PCDHA5: variants seen among roughly 807,000 people sequenced by gnomAD.
PCDHA5 encodes the protein protocadherin alpha 5.
In PCDHA5, 43 loss-of-function variants were observed where a neutral mutation model predicts 61.6. The observed-to-expected ratio is 0.70, with a 90% CI of 0.55 to 0.90. The LOEUF is 0.90. PCDHA5 is among the 40% of genes least tolerant of loss of function. The probability of loss-of-function intolerance (pLI) is 0.00; values close to 1 mark genes in which losing one functional copy is unlikely to be tolerated. For missense variants in PCDHA5, 1,298 were observed against 1,222.7 expected (o/e 1.06, Z -0.92); for synonymous variants, 627 against 543.9 (o/e 1.15, Z -2.13).
intron 1 of PCDHA5, chr5:140,861,554 C>A (rs1023234694): frequency 1.8e-5 from 7 of 398,878 alleles, no homozygotes; most frequent in Non-Finnish European, 2.6e-5. Flanking sequence ...TGGAAGTGAT[C>A]GTGGACAAGC....
At chr5:140,841,254 A>G in intron 1 of PCDHA5, 9 of 1,510,716 alleles carry the variant, frequency 6.0e-6, no homozygotes, top group Non-Finnish European at 7.1e-6. Context: ...GGATTAAAAG[A>G]CTCTGAAAGT....
intron 1 of PCDHA5, chr5:140,863,165 C>G (rs1367294208): frequency 1.5e-6 from 1 of 666,560 alleles, no homozygotes; most frequent in Non-Finnish European, 2.7e-6. Context: ...TGCGAGCTGG[C>G]GCTGACTGCC....
intron 1 of PCDHA5, among the ~76,000 whole-genome samples, chr5:140,899,512 G>C (rs4386771): frequency 0.046 from 7,065 of 152,150 alleles, 285 homozygotes; most frequent in African/African-American, 0.11. Flanking sequence ...TGCATATATT[G>C]CATCCCAGGG....
chr5:140,928,824 A>C (rs782336122), intron 1 of PCDHA5: 2 of 1,614,110 alleles, frequency 1.2e-6, no homozygotes, highest in Non-Finnish European at 1.7e-6. Flanking sequence ...ATGGAGACCC[A>C]CCACTTTCCT....
intron 1 of PCDHA5, chr5:140,841,148 C>G: frequency 1.3e-6 from 1 of 776,052 alleles, no homozygotes. Context: ...CATGATGTCG[C>G]TGTCTACCAA....
chr5:140,967,901 A>T, intron 1 of PCDHA5: 2 of 1,614,142 alleles, frequency 1.2e-6, no homozygotes, highest in African/African-American at 1.3e-5. Context: ...TGAGAATGCT[A>T]CACCCAACAC....
At chr5:140,942,351 G>GCAGTTAA (rs1563195355) in intron 1 of PCDHA5, among the ~76,000 whole-genome samples, 1 of 152,024 alleles carries the variant, frequency 6.6e-6, no homozygotes. Context: ...GGCGGAGGTT[G>GCAGTTAA]CAGTTAACGG....
intron 1 of PCDHA5, among the ~76,000 whole-genome samples, chr5:140,837,376 A>G (rs1191040233): frequency 6.6e-6 from 1 of 151,912 alleles, no homozygotes; most frequent in Non-Finnish European, 1.5e-5. Context: ...AGTATTTTTT[A>G]TTTTGTTCCT....
intron 1 of PCDHA5, chr5:140,843,312 C>G: frequency 1.3e-6 from 2 of 1,596,048 alleles, no homozygotes; most frequent in South Asian, 1.1e-5. Context: ...GCCACGGCCA[C>G]GGTTCTGGTG....
chr5:140,863,376 C>T (rs781824830), intron 1 of PCDHA5: 2 of 1,123,242 alleles, frequency 1.8e-6, no homozygotes, highest in South Asian at 1.2e-5. Context: ...CGCAGCTCAC[C>T]GAGAGCTCGT....
intron 3 of PCDHA5, among the ~76,000 whole-genome samples, chr5:141,003,690 T>C (rs1441506131): frequency 2.0e-5 from 3 of 152,232 alleles, no homozygotes; most frequent in African/African-American, 7.2e-5. Flanking sequence ...TTTTAAAATA[T>C]ATCCCTACCA....
chr5:140,869,633 A>G (rs376162708), intron 1 of PCDHA5: 3 of 1,613,612 alleles, frequency 1.9e-6, no homozygotes, highest in Non-Finnish European at 2.5e-6. Context: ...AAAAATGAGT[A>G]TTTTTCTTTA....
intron 3 of PCDHA5, among the ~76,000 whole-genome samples, chr5:141,000,885 G>C (rs1213239926): frequency 6.6e-6 from 1 of 151,922 alleles, no homozygotes; most frequent in African/African-American, 2.4e-5. Context: ...TCCAACCTGG[G>C]CAACAGATAT....
chr5:140,964,600 A>G (rs1322521285), intron 1 of PCDHA5, among the ~76,000 whole-genome samples: 1 of 152,104 alleles, frequency 6.6e-6, no homozygotes, highest in Non-Finnish European at 1.5e-5. Flanking sequence ...TTTCATGACA[A>G]CTTACAACTT....
At chr5:140,870,737 G>A in intron 1 of PCDHA5, 1 of 1,613,478 alleles carries the variant, frequency 6.2e-7, no homozygotes, top group Non-Finnish European at 8.5e-7. Flanking sequence ...CCGCCTCTGA[G>A]CAGCAACGTG....
chr5:140,991,719 A>T (rs1451245400), intron 3 of PCDHA5, among the ~76,000 whole-genome samples: 1 of 152,194 alleles, frequency 6.6e-6, no homozygotes, highest in African/African-American at 2.4e-5. Flanking sequence ...TGCTACTAGC[A>T]GCCTGTTCAA....
At chr5:140,872,792 G>A (rs1474880199) in intron 1 of PCDHA5, among the ~76,000 whole-genome samples, 1 of 152,054 alleles carries the variant, frequency 6.6e-6, no homozygotes, top group Non-Finnish European at 1.5e-5. Context: ...ATGCTAGTTG[G>A]CATTCTTCCA....
At chr5:140,843,084 G>A (rs2150352183) in intron 1 of PCDHA5, 6 of 1,595,554 alleles carry the variant, frequency 3.8e-6, no homozygotes, top group South Asian at 3.3e-5. Context: ...GTGGGCGCGG[G>A]CCACGTGGTA....
intron 1 of PCDHA5, among the ~76,000 whole-genome samples, chr5:140,901,030 C>G (rs1382384435): frequency 6.6e-6 from 1 of 152,116 alleles, no homozygotes; most frequent in Admixed American, 6.5e-5. Context: ...CTATTCAACT[C>G]TTTTGCCCAT....
Sources: allele counts gnomAD v4.1 joint callset (sites outside exome capture counted in the v4.1 genomes callset), GRCh38; gene constraint gnomAD v4.1.1; transcripts MANE v1.5; gene names NCBI Gene and HGNC (gene_info 2026-07-23, HGNC 2026-07-21).